KDM2A: variants seen among roughly 807,000 people sequenced by gnomAD.
The protein encoded by KDM2A is lysine demethylase 2A.
KDM2A carries 3 observed loss-of-function variants against 137.3 expected under a neutral mutation model. That is an observed-to-expected ratio of 0.02 (90% CI 0.01 to 0.06). KDM2A has a LOEUF of 0.06. Among genes scored for constraint, KDM2A ranks in the 10% least tolerant of loss-of-function variants. The probability of loss-of-function intolerance (pLI) is 1.00; values close to 1 mark genes in which losing one functional copy is unlikely to be tolerated. For synonymous variants in KDM2A, 512 were observed against 541.5 expected (o/e 0.95, Z 0.76); for missense variants, 738 against 1,510.6 (o/e 0.49, Z 8.48).
At chr11:67,141,228 C>A (rs1382295826) in intron 2 of KDM2A, among the ~76,000 whole-genome samples, 1 of 152,006 alleles carries the variant, frequency 6.6e-6, no homozygotes, top group Non-Finnish European at 1.5e-5. Context: ...AACAATTTTT[C>A]CATATTGTTT....
At chr11:67,168,582 T>TAACACACACAC (rs879358615) in intron 2 of KDM2A, among the ~76,000 whole-genome samples, 1 of 33,984 alleles carries the variant, frequency 2.9e-5, no homozygotes, top group African/African-American at 1.3e-4. Context: ...GTATGAATTA[T>TAACACACACAC]ACACACACAC....
chr11:67,237,441 TTTA>T (rs148254964), intron 12 of KDM2A, among the ~76,000 whole-genome samples: 3,572 of 150,184 alleles, frequency 0.024, 56 homozygotes, highest in East Asian at 0.046. Context: ...TAAATTTTTC[TTTA>T]TTATTATTAT....
intron 7 of KDM2A, 50 bp from the exon 8 acceptor site, chr11:67,215,806 A>T (rs1432272096): frequency 1.5e-6 from 2 of 1,355,942 alleles, no homozygotes; most frequent in Non-Finnish European, 2.1e-6. Flanking sequence ...GGTGGGGCAG[A>T]TGTACTTTTT....
intron 5 of KDM2A, among the ~76,000 whole-genome samples, chr11:67,201,833 T>C (rs1233922137): frequency 1.4e-5 from 2 of 143,494 alleles, no homozygotes; most frequent in Non-Finnish European, 3.0e-5. Flanking sequence ...TGTACACCTG[T>C]AGTCCCAACT....
chr11:67,247,740 A>C (rs1859294207), intron 15 of KDM2A, among the ~76,000 whole-genome samples: 1 of 152,178 alleles, frequency 6.6e-6, no homozygotes. Context: ...TACAATCTTA[A>C]AAGTTTGTTT....
intron 17 of KDM2A, among the ~76,000 whole-genome samples, chr11:67,252,087 T>C (rs761008730): frequency 6.6e-6 from 1 of 152,180 alleles, no homozygotes; most frequent in Non-Finnish European, 1.5e-5. Flanking sequence ...CTTTCAGTTC[T>C]GGTCTGGCCT....
In KDM2A at chr11:67,253,444, C is replaced by A; in HGVS notation, c.2933-9C>A. On this transcript the variant is annotated splice_polypyrimidine_tract_variant and intron_variant, in intron 18 of 20. Coordinates refer to ENST00000529006, the MANE Select transcript of KDM2A (RefSeq NM_012308.3). Reference sequence around the variant, plus strand: ...TGTATTATTACATGTCTCATTCCATCCATTGCAGGACTGAAAGACCTCCTC... The same window carrying A: ...TGTATTATTACATGTCTCATTCCATACATTGCAGGACTGAAAGACCTCCTC... 1 of 1,611,872 alleles carries A rather than the reference C, an allele frequency of 6.2e-7. No individual in the cohort carries two copies. The highest frequency in any genetic ancestry group is 8.5e-7 in the Non-Finnish European group (1 of 1,178,190).
intron 12 of KDM2A, among the ~76,000 whole-genome samples, chr11:67,239,835 A>T (rs1385624801): frequency 2.6e-5 from 4 of 152,204 alleles, no homozygotes; most frequent in African/African-American, 9.6e-5. Context: ...GGGAGCCCTC[A>T]GGGGGCTGGC....
chr11:67,144,329 T>C (rs1468469637), intron 2 of KDM2A, among the ~76,000 whole-genome samples: 1 of 151,112 alleles, frequency 6.6e-6, no homozygotes, highest in Non-Finnish European at 1.5e-5. Context: ...CTCTGCTCAC[T>C]GCACCCTCCA....
intron 2 of KDM2A, among the ~76,000 whole-genome samples, chr11:67,124,733 A>T (rs1264277794): frequency 6.7e-6 from 1 of 149,990 alleles, no homozygotes; most frequent in Non-Finnish European, 1.5e-5. Flanking sequence ...TTAAGTTGTA[A>T]GGTGATTGGT....
intron 6 of KDM2A, among the ~76,000 whole-genome samples, chr11:67,208,195 G>A (rs183239055): frequency 0.01 from 1,519 of 151,348 alleles, 9 homozygotes; most frequent in Non-Finnish European, 0.014. Context: ...TGCATTTTCC[G>A]AAATCATAAT....
At chr11:67,147,141 CTGT>C (rs1280536805) in intron 2 of KDM2A, among the ~76,000 whole-genome samples, 1 of 152,132 alleles carries the variant, frequency 6.6e-6, no homozygotes, top group Non-Finnish European at 1.5e-5. Context: ...AAAATGAACA[CTGT>C]TGTTGACAGT....
chr11:67,168,688 T>C (rs895659850), intron 2 of KDM2A, among the ~76,000 whole-genome samples: 6 of 149,740 alleles, frequency 4.0e-5, no homozygotes, highest in African/African-American at 1.5e-4. Flanking sequence ...GACAGCAATG[T>C]CCGTCTATCC....
chr11:67,162,769 A>G (rs1356849175), intron 2 of KDM2A, among the ~76,000 whole-genome samples: 9 of 152,108 alleles, frequency 5.9e-5, no homozygotes, highest in African/African-American at 2.2e-4. Context: ...GCTAGAGTGC[A>G]GTGGTGTGAT....
chr11:67,137,568 A>G lies in KDM2A; in HGVS notation c.42+16210A>G, dbSNP rs542520259. 7.2e-5 allele frequency among the ~76,000 whole-genome samples: 11 copies of G among 152,286 alleles called. No homozygotes were observed. In the East Asian group the frequency reaches 1.3e-3, roughly 19 times the overall value. On this transcript the variant is annotated intron_variant, in intron 2 of 20. Coordinates refer to ENST00000529006, the MANE Select transcript of KDM2A (RefSeq NM_012308.3). ...GAGGGTCAGTGTAAAGGAGGTAAAT[A>G]TAAGTATGACTCCCAAGTTTTCCTA...
At chr11:67,194,665 G>T (rs909809852) in intron 5 of KDM2A, among the ~76,000 whole-genome samples, 32 of 152,144 alleles carry the variant, frequency 2.1e-4, no homozygotes, top group African/African-American at 6.0e-4. Context: ...CTGCTTACCT[G>T]CCTCTAATAA....
At chr11:67,183,182 A>G (rs1307296715) in intron 5 of KDM2A, among the ~76,000 whole-genome samples, 2 of 152,198 alleles carry the variant, frequency 1.3e-5, no homozygotes, top group African/African-American at 4.8e-5. Context: ...TCCCTGGAAT[A>G]TAGTAGGTGC....
chr11:67,126,430 G>A (rs1235611327), intron 2 of KDM2A, among the ~76,000 whole-genome samples: 4 of 150,508 alleles, frequency 2.7e-5, no homozygotes, highest in African/African-American at 4.9e-5. Flanking sequence ...TTTTTTGGCC[G>A]GGTGCGGTTG....
chr11:67,194,610 A>G (rs1857435871), intron 5 of KDM2A, among the ~76,000 whole-genome samples: 1 of 152,200 alleles, frequency 6.6e-6, no homozygotes, highest in South Asian at 2.1e-4. Context: ...TAGGCACCCA[A>G]TACATATTGG....
Sources: allele counts gnomAD v4.1 joint callset (sites outside exome capture counted in the v4.1 genomes callset), GRCh38; gene constraint gnomAD v4.1.1; transcripts MANE v1.5; gene names NCBI Gene and HGNC (gene_info 2026-07-23, HGNC 2026-07-21).